The following FOXO3 variants were observed in gnomAD, a reference collection of about 807,000 sequenced individuals.
FOXO3 encodes the protein forkhead box protein O3.
In FOXO3, 4 loss-of-function variants were observed where a neutral mutation model predicts 41.9. The ratio of observed to expected loss-of-function variants is 0.10; its 90% CI spans 0.05 to 0.22. FOXO3 has a LOEUF of 0.22. Among genes scored for constraint, FOXO3 ranks in the 10% least tolerant of loss-of-function variants. FOXO3 has a pLI of 1.00. For missense variants in FOXO3, 534 were observed against 906.8 expected (o/e 0.59, Z 5.28); for synonymous variants, 318 against 389.3 (o/e 0.82, Z 2.16).
chr6:108,661,132 C>G (rs1030947217), intron 1 of FOXO3, among the ~76,000 whole-genome samples: 1 of 151,920 alleles, frequency 6.6e-6, no homozygotes, highest in African/African-American at 2.4e-5. Context: ...ACCCCAGCTA[C>G]TCGGGAGGCT....
Position 108,683,682 on chromosome 6 carries a change from G to T in FOXO3, c.*3890G>T, listed in dbSNP as rs1281126805. The T allele has an allele frequency of 9.5e-6, 1 of 104,958 alleles. No homozygotes were observed. The highest frequency in any genetic ancestry group is 2.7e-5 in the African/African-American group (1 of 37,626). The allele number at this position is 104,958 out of a possible 1,614,324, so 6.5% of individuals were successfully genotyped here. On this transcript the variant is annotated 3_prime_UTR_variant, in exon 3 of 3. Coordinates refer to ENST00000406360, the MANE Select transcript of FOXO3 (RefSeq NM_001455.4). ...GCCTGGGTAACAAGAGTGAAACTCC[G>T]TGTCAAAAAAAAAAAAAAAATGTTA...
At chr6:108,570,494 T>C (rs1776068437) in intron 1 of FOXO3, among the ~76,000 whole-genome samples, 1 of 151,914 alleles carries the variant, frequency 6.6e-6, no homozygotes, top group South Asian at 2.1e-4. Flanking sequence ...CCCAGCTAAT[T>C]TTATGTTTTT....
chr6:108,606,225 T>A (rs976935296), intron 1 of FOXO3, among the ~76,000 whole-genome samples: 3 of 152,234 alleles, frequency 2.0e-5, no homozygotes, highest in African/African-American at 7.2e-5. Context: ...TGTCAGTTAA[T>A]GCCTAATTGC....
intron 1 of FOXO3, among the ~76,000 whole-genome samples, chr6:108,568,084 A>G (rs1001992190): frequency 4.0e-5 from 6 of 151,798 alleles, no homozygotes; most frequent in African/African-American, 1.5e-4. Context: ...GTGGTGGTGC[A>G]TGCCTGTAGT....
chr6:108,560,513 G>C (rs1775741676), upstream of FOXO3, among the ~76,000 whole-genome samples: 1 of 152,158 alleles, frequency 6.6e-6, no homozygotes, highest in South Asian at 2.1e-4. Flanking sequence ...CGCGGGCGAA[G>C]AGGGGAGAGG....
chr6:108,649,008 T>TAAAAAAA, intron 1 of FOXO3, among the ~76,000 whole-genome samples: 1 of 79,104 alleles, frequency 1.3e-5, no homozygotes, highest in Non-Finnish European at 2.4e-5. Flanking sequence ...ACCTATCTCT[T>TAAAAAAA]AAAAAAAAAA....
At chr6:108,596,976 C>G (rs1329876939) in intron 1 of FOXO3, among the ~76,000 whole-genome samples, 2 of 152,004 alleles carry the variant, frequency 1.3e-5, no homozygotes, top group Non-Finnish European at 2.9e-5. Context: ...AAACTAGAGT[C>G]TTATCTAACT....
intron 1 of FOXO3, among the ~76,000 whole-genome samples, chr6:108,562,161 T>C (rs1451139008): frequency 6.6e-6 from 1 of 151,810 alleles, no homozygotes; most frequent in Non-Finnish European, 1.5e-5. Flanking sequence ...CGCAGCCAAC[T>C]TTGGAGTAGA....
At chr6:108,565,208 G>A (rs1048710137) in intron 1 of FOXO3, among the ~76,000 whole-genome samples, 4 of 152,172 alleles carry the variant, frequency 2.6e-5, no homozygotes, top group African/African-American at 9.7e-5. Flanking sequence ...TAGGAACTAT[G>A]AAGTGATAAA....
intron 1 of FOXO3, among the ~76,000 whole-genome samples, chr6:108,585,319 A>G (rs1411297653): frequency 2.0e-5 from 3 of 152,246 alleles, no homozygotes; most frequent in Non-Finnish European, 4.4e-5. Context: ...CTGGGATTAC[A>G]GGCGTGAGCC....
intron 1 of FOXO3, among the ~76,000 whole-genome samples, chr6:108,592,582 A>C (rs1776757324): frequency 6.6e-6 from 1 of 152,156 alleles, no homozygotes; most frequent in Non-Finnish European, 1.5e-5. Flanking sequence ...TTCACTTCAA[A>C]TTATTTTTTA....
At chr6:108,671,380 A>T (rs909173886) in intron 2 of FOXO3, among the ~76,000 whole-genome samples, 2 of 152,206 alleles carry the variant, frequency 1.3e-5, no homozygotes, top group Non-Finnish European at 2.9e-5. Flanking sequence ...GCTGTGGATT[A>T]AAAAAGCCTC....
At chr6:108,591,778 T>C (rs2128363205) in intron 1 of FOXO3, among the ~76,000 whole-genome samples, 1 of 152,302 alleles carries the variant, frequency 6.6e-6, no homozygotes, top group East Asian at 1.9e-4. Context: ...GATTGTACTT[T>C]ATGCAAAGTT....
chr6:108,576,445 A>G (rs916442508), intron 1 of FOXO3, among the ~76,000 whole-genome samples: 2 of 152,246 alleles, frequency 1.3e-5, no homozygotes, highest in Non-Finnish European at 2.9e-5. Flanking sequence ...GAATGCTTTG[A>G]GTTAATTTAT....
At chr6:108,568,439 C>T (rs1475987919) in intron 1 of FOXO3, among the ~76,000 whole-genome samples, 3 of 152,162 alleles carry the variant, frequency 2.0e-5, no homozygotes, top group Admixed American at 2.0e-4. Flanking sequence ...ACTTACCTTG[C>T]TAAATGCCTT....
At position 108,682,517 on chromosome 6, in the gene FOXO3, A is replaced by C. The variant is rs1436732443; in HGVS notation, c.*2725A>C. ...GACCCACCAGCCCCTGGAGAGGGTC[A>C]GCCGAGAATCTGGTAGTGAAGCCTG... On this transcript the variant is annotated 3_prime_UTR_variant, in exon 3 of 3. Transcript: ENST00000406360. 5.2e-5 allele frequency: 8 copies of C among 152,382 alleles called. No individual in the cohort carries two copies. Among genetic ancestry groups the C allele is most frequent in the Non-Finnish European group, 8.8e-5 (6 of 68,160 alleles). 9.4% of individuals were successfully genotyped at this position (152,382 alleles called of 1,614,324 possible).
At chr6:108,676,085 C>T (rs912239821) in intron 2 of FOXO3, among the ~76,000 whole-genome samples, 16 of 152,104 alleles carry the variant, frequency 1.1e-4, no homozygotes, top group East Asian at 1.9e-4. Context: ...TGACAGCATC[C>T]GTAGATATTT....
chr6:108,679,249 C>T (rs1190887788), intron 2 of FOXO3, among the ~76,000 whole-genome samples: 1 of 152,054 alleles, frequency 6.6e-6, no homozygotes, highest in Non-Finnish European at 1.5e-5. Flanking sequence ...GTCAAGATTA[C>T]CCACACCCAG....
intron 1 of FOXO3, among the ~76,000 whole-genome samples, chr6:108,661,173 C>T (rs1471878372): frequency 1.3e-5 from 2 of 151,988 alleles, no homozygotes; most frequent in Non-Finnish European, 2.9e-5. Flanking sequence ...ACCCTGGAGG[C>T]GGAGGTTGCA....
Sources: gnomAD v4.1 joint callset for allele counts (sites outside exome capture counted in the v4.1 genomes callset) on GRCh38, gnomAD v4.1.1 for gene constraint, MANE v1.5 for transcripts, NCBI Gene and HGNC (gene_info 2026-07-23, HGNC 2026-07-21) for gene names.